The following UNC13C variants were observed in gnomAD, a reference collection of about 807,000 sequenced individuals.
The protein encoded by UNC13C is unc-13 homolog C, also known as protein unc-13 homolog C.
Under a neutral mutation model 245.4 loss-of-function variants are expected in UNC13C, and 174 were observed. The ratio of observed to expected loss-of-function variants is 0.71; its 90% CI spans 0.63 to 0.80. The LOEUF (loss-of-function observed/expected upper bound fraction) is 0.80, where lower values mean the gene tolerates loss of function less well. UNC13C is among the 30% of genes least tolerant of loss of function. UNC13C has a pLI of 0.00. For synonymous variants in UNC13C, 992 were observed against 895.1 expected (o/e 1.11, Z -1.93); for missense variants, 2,829 against 2,602.9 (o/e 1.09, Z -1.89).
At chr15:53,872,087 T>C in the UNC13C span, among the ~76,000 whole-genome samples, 2 of 152,180 alleles carry the variant, frequency 1.3e-5, no homozygotes, top group Non-Finnish European at 2.9e-5. Flanking sequence ...TCTGGATCAT[T>C]TTCACATTTC....
chr15:53,994,241 C>A (rs1218713957), intron 1 of UNC13C, among the ~76,000 whole-genome samples: 1 of 151,594 alleles, frequency 6.6e-6, no homozygotes, highest in African/African-American at 2.4e-5. Context: ...TCCTTACTGG[C>A]AGCATGTATT....
the UNC13C span, among the ~76,000 whole-genome samples, chr15:53,881,172 T>C: frequency 6.6e-6 from 1 of 152,078 alleles, no homozygotes; most frequent in African/African-American, 2.4e-5. Context: ...TTAAATCTAA[T>C]TGGTTTTGTT....
intron 14 of UNC13C, among the ~76,000 whole-genome samples, chr15:54,327,619 C>T (rs1380586841): frequency 2.0e-5 from 3 of 151,912 alleles, no homozygotes; most frequent in African/African-American, 7.2e-5. Context: ...GGCCAGAGCT[C>T]AATTAGAGCT....
At chr15:53,904,533 G>C in the UNC13C span, among the ~76,000 whole-genome samples, 1 of 151,980 alleles carries the variant, frequency 6.6e-6, no homozygotes, top group Non-Finnish European at 1.5e-5. Context: ...ACTCTTTTCT[G>C]TTTGCCTCCA....
intron 17 of UNC13C, among the ~76,000 whole-genome samples, chr15:54,368,873 AAT>A (rs1375373623): frequency 6.6e-6 from 1 of 152,150 alleles, no homozygotes; most frequent in Non-Finnish European, 1.5e-5. Context: ...TAATTCCAGT[AAT>A]ATCCTTTCAA....
At chr15:54,101,505 C>T (rs1900161414) in intron 2 of UNC13C, among the ~76,000 whole-genome samples, 2 of 151,992 alleles carry the variant, frequency 1.3e-5, no homozygotes, top group South Asian at 2.1e-4. Context: ...CCAAAATAAA[C>T]GAGGTAAAAG....
At chr15:54,024,088 T>C (rs867987447) in intron 2 of UNC13C, among the ~76,000 whole-genome samples, 2 of 152,124 alleles carry the variant, frequency 1.3e-5, no homozygotes, top group Non-Finnish European at 2.9e-5. Context: ...ATGGGGTAGA[T>C]GGAATAGCTA....
chr15:54,190,372 C>G (rs1014191577), intron 4 of UNC13C, among the ~76,000 whole-genome samples: 1 of 152,132 alleles, frequency 6.6e-6, no homozygotes, highest in African/African-American at 2.4e-5. Flanking sequence ...CTCCCTCTTT[C>G]CTGTACTTCT....
chr15:54,518,892 C>T (rs192383639), intron 24 of UNC13C, among the ~76,000 whole-genome samples: 33 of 152,260 alleles, frequency 2.2e-4, no homozygotes, highest in African/African-American at 7.5e-4. Flanking sequence ...CCTAACTTAT[C>T]CCTACCCAGT....
chr15:54,280,223 A>T (rs2036940028), intron 10 of UNC13C, among the ~76,000 whole-genome samples: 1 of 152,100 alleles, frequency 6.6e-6, no homozygotes, highest in Admixed American at 6.5e-5. Context: ...TATCTACTGT[A>T]TATAGGGGAA....
Position 54,096,537 on chromosome 15 carries a change from A to G in UNC13C, c.2984-46481A>G, listed in dbSNP as rs116175511. 8.5e-3 allele frequency among the ~76,000 whole-genome samples: 1,298 copies of G among 152,244 alleles called. 23 individuals are homozygous for G. Among genetic ancestry groups the G allele is most frequent in the African/African-American group, 0.03 (1,242 of 41,542 alleles). Reference sequence around the variant, plus strand: ...CTCCAACTCTCACGCTTTCTTCAATATGGATTATGCCCCATTCTGATAGTG... The same window carrying G: ...CTCCAACTCTCACGCTTTCTTCAATGTGGATTATGCCCCATTCTGATAGTG... On this transcript the variant is annotated intron_variant, in intron 2 of 32. Coordinates refer to ENST00000260323, the MANE Select transcript of UNC13C (RefSeq NM_001080534.3).
At chr15:54,149,706 T>G (rs1369672454) in intron 4 of UNC13C, among the ~76,000 whole-genome samples, 2 of 152,226 alleles carry the variant, frequency 1.3e-5, no homozygotes, top group East Asian at 3.8e-4. Flanking sequence ...GACTCTTGTT[T>G]TTCTTGAATG....
In UNC13C at chr15:54,509,130, T is replaced by C. The variant is rs568584336; in HGVS notation, c.5379+1936T>C. ...AGGAGAATTGCTTGAACCCGGGAGATGGAGGTTGCAGTGAGCCAAGATTGT... is the reference window on the plus strand; with the variant it reads ...AGGAGAATTGCTTGAACCCGGGAGACGGAGGTTGCAGTGAGCCAAGATTGT... On this transcript the variant is annotated intron_variant, in intron 23 of 32. Coordinates refer to ENST00000260323, the MANE Select transcript of UNC13C (RefSeq NM_001080534.3). Among the ~76,000 whole-genome samples the C allele has an allele frequency of 1.3e-4, 20 of 152,198 alleles. No homozygotes were observed. In the South Asian group the frequency reaches 3.9e-3, roughly 30 times the overall value.
chr15:54,220,458 A>AG (rs1420214515), intron 4 of UNC13C, among the ~76,000 whole-genome samples: 2 of 70,408 alleles, frequency 2.8e-5, no homozygotes, highest in Admixed American at 1.8e-4. Flanking sequence ...GGGTAGGGGG[A>AG]GGGGGGAGGG....
chr15:54,623,775 T>C lies in UNC13C; in HGVS notation c.6200-20T>C. 3 of 1,600,886 alleles carry C rather than the reference T, an allele frequency of 1.9e-6. No homozygotes were observed. Among genetic ancestry groups the C allele is most frequent in the Non-Finnish European group, 2.6e-6 (3 of 1,173,368 alleles). ...TTCCACACATCTGTTTGCTAAAATG[T>C]GATATTTCCTTTTTTTTAGTGATTG... On this transcript the variant is annotated intron_variant, in intron 31 of 32. Coordinates refer to ENST00000260323, the MANE Select transcript of UNC13C (RefSeq NM_001080534.3).
Position 54,015,343 on chromosome 15 carries a change from A to G in UNC13C, c.2440A>G (p.Lys814Glu). The change falls in exon 2 of 33, where the codon AAA becomes GAA. Residue 814 changes from lysine (K) to glutamate (E), a missense_variant. Lys to Glu is a moderately conservative substitution (Grantham distance 56). Coordinates refer to ENST00000260323, the MANE Select transcript of UNC13C (RefSeq NM_001080534.3). Reference protein sequence around the residue: ...AKSALEVVWNKSTQSLSGYED... With the variant: ...AKSALEVVWNESTQSLSGYED... ...ATCAGCCTTGGAAGTAGTATGGAAC[A>G]AAAGCACACAGAGTCTGAGTGGGTA... 5 of 1,613,878 alleles carry G rather than the reference A, an allele frequency of 3.1e-6. No homozygotes were observed. In the South Asian group the frequency reaches 5.5e-5, roughly 18 times the overall value.
intron 2 of UNC13C, among the ~76,000 whole-genome samples, chr15:54,075,301 C>T (rs953182427): frequency 1.3e-5 from 2 of 151,848 alleles, no homozygotes; most frequent in East Asian, 3.9e-4. Flanking sequence ...CTGGCTAACA[C>T]GGCGAAACAC....
At chr15:53,954,618 C>T in the UNC13C span, among the ~76,000 whole-genome samples, 1 of 152,090 alleles carries the variant, frequency 6.6e-6, no homozygotes, top group Admixed American at 6.6e-5. Context: ...GTGAGCTGCC[C>T]AGGTTTTGCC....
chr15:54,303,863 A>G (rs1210801718), intron 13 of UNC13C, among the ~76,000 whole-genome samples: 1 of 152,124 alleles, frequency 6.6e-6, no homozygotes, highest in Non-Finnish European at 1.5e-5. Context: ...GCACAGGTAG[A>G]GGAGAGACAA....
Sources: gnomAD v4.1 joint callset for allele counts (sites outside exome capture counted in the v4.1 genomes callset) on GRCh38, gnomAD v4.1.1 for gene constraint, MANE v1.5 for transcripts, NCBI Gene and HGNC (gene_info 2026-07-23, HGNC 2026-07-21) for gene names.